The following CHD1 variants were observed in gnomAD, a reference collection of about 807,000 sequenced individuals.
CHD1 encodes chromodomain helicase DNA binding protein 1.
In CHD1, 36 loss-of-function variants were observed where a neutral mutation model predicts 224.2. The ratio of observed to expected loss-of-function variants is 0.16; its 90% CI spans 0.12 to 0.21. The LOEUF is 0.21. CHD1 is among the 10% of genes least tolerant of loss of function. CHD1 has a pLI of 1.00. For synonymous variants in CHD1, 668 were observed against 658.3 expected, an observed-to-expected ratio of 1.01 and a Z score of -0.23; for missense variants, 1,378 against 1,994.8, an observed-to-expected ratio of 0.69 and a Z score of 5.89.
intron 3 of CHD1, among the ~76,000 whole-genome samples, chr5:98,904,372 G>GT (rs1183655883): frequency 6.6e-6 from 1 of 152,162 alleles, no homozygotes; most frequent in Non-Finnish European, 1.5e-5. Context: ...TCACAGACTG[G>GT]TACTCTGAGT....
At chr5:98,871,047 T>C (rs35046353) in intron 28 of CHD1, among the ~76,000 whole-genome samples, 20 of 151,928 alleles carry the variant, frequency 1.3e-4, no homozygotes, top group African/African-American at 4.4e-4. Context: ...AAAATGAAAA[T>C]AGAAAGCATA....
chr5:98,859,074 G>A, intron 33 of CHD1, 59 bp from the exon 34 acceptor site: 1 of 1,326,368 alleles, frequency 7.5e-7, no homozygotes, highest in Non-Finnish European at 1.1e-6. Context: ...TTACAAAAAA[G>A]CACAGATAAT....
At chr5:98,869,652 AGAC>A (rs975489378) in intron 30 of CHD1, 99 bp downstream of exon 30, 50 of 1,277,554 alleles carry the variant, frequency 3.9e-5, no homozygotes, top group Non-Finnish European at 5.5e-5. Flanking sequence ...ACACACACAC[AGAC>A]TTCGGTACCT....
chr5:98,899,744 T>C, intron 7 of CHD1, 39 bp from the exon 8 acceptor site: 1 of 1,414,196 alleles, frequency 7.1e-7, no homozygotes, highest in Non-Finnish European at 9.9e-7. Context: ...TGTAATTAAT[T>C]CTGTTGTAGG....
At chr5:98,898,990 A>G (rs1751517480) in intron 8 of CHD1, among the ~76,000 whole-genome samples, 1 of 152,188 alleles carries the variant, frequency 6.6e-6, no homozygotes, top group African/African-American at 2.4e-5. Flanking sequence ...GTTACCAAGG[A>G]TAGGTTTAGA....
chr5:98,876,617 A>G (rs1463565010), intron 23 of CHD1, 59 bp from the exon 24 acceptor site: 1 of 1,383,970 alleles, frequency 7.2e-7, no homozygotes, highest in Admixed American at 1.9e-5. Flanking sequence ...TCTTAAGAGC[A>G]AAAACCATTA....
chr5:98,885,756 A>G (rs949505165), intron 17 of CHD1, 107 bp from the exon 18 acceptor site: 17 of 689,698 alleles, frequency 2.5e-5, no homozygotes, highest in Non-Finnish European at 4.3e-5. Flanking sequence ...TCCTTTGCTA[A>G]AACTATAATA....
rs763508835 is a variant in CHD1, at chr5:98,894,635, T to C, written c.1762A>G (p.Ile588Val). The change falls in exon 13 of 36, where the codon ATA (isoleucine) becomes GTA (valine). Residue 588 changes from isoleucine (I) to valine (V), a missense_variant. This residue lies in a region of CHD1 where 49 missense variants were observed against 135.7 expected (regional missense o/e 0.36). Transcript: ENST00000614616. ...HHQTKRLKFN[I>V]LLTTYEILLK... ...AAAATTTCATAAGTTGTTAACAATA[T>C]ATTAAATTTTAACCGTTTGGTCTGA... The C allele has an allele frequency of 2.7e-6, 4 of 1,455,398 alleles. No individual in the cohort carries two copies. The highest frequency in any genetic ancestry group is 3.8e-5 in the Admixed American group (2 of 53,150). 90.2% of individuals were successfully genotyped at this position (1,455,398 alleles called of 1,614,324 possible). A position where few individuals can be genotyped will look rare whatever the true frequency, so the allele number is the denominator to read the frequency against.
In CHD1 at chr5:98,879,607, T is replaced by C. The variant is rs143777686; in HGVS notation, c.3182A>G (p.Gln1061Arg). Reference protein sequence around the residue: ...QRRRLEEEERQKELEEIYMLP... With the variant: ...QRRRLEEEERRKELEEIYMLP... ...CATATAAATTTCTTCAAGTTCCTTT[T>C]GTCTTTCTTCTTCTTCTAATCGTCT... is the stretch of plus-strand genomic sequence containing the variant. The change falls in exon 23 of 36, where the codon CAA becomes CGA. Residue 1061 changes from glutamine to arginine, a missense_variant. Around this residue, in one of 16 missense-constraint regions of CHD1, gnomAD observed 286 missense variants for 445.1 expected, o/e 0.64. Transcript: ENST00000614616. 2.2e-5 allele frequency: 36 copies of C among 1,604,746 alleles called. No homozygotes were observed. Among genetic ancestry groups the C allele is most frequent in the Non-Finnish European group, 3.0e-5 (35 of 1,177,450 alleles).
intron 31 of CHD1, among the ~76,000 whole-genome samples, chr5:98,867,585 T>A: frequency 6.6e-6 from 1 of 152,148 alleles, no homozygotes; most frequent in East Asian, 1.9e-4. Flanking sequence ...TACATATTTA[T>A]TTTTTAATGG....
At position 98,928,899 on chromosome 5, in the gene CHD1, C is replaced by G. The variant is rs1435190586; in HGVS notation, c.-509G>C. 3 of 154,386 alleles carry G rather than the reference C, an allele frequency of 1.9e-5. No homozygotes were observed. Among genetic ancestry groups the G allele is most frequent in the Admixed American group, 6.6e-5 (1 of 15,244 alleles). The allele number at this position is 154,386 out of a possible 1,614,324, so 9.6% of individuals were successfully genotyped here. A position where few individuals can be genotyped will look rare whatever the true frequency, so the allele number is the denominator to read the frequency against. ...CCATGACGCCGAGAAAGCAAGCGAG[C>G]GCAACCGTCTCCGTCGTAGCCGCCG... On this transcript the variant is annotated 5_prime_UTR_variant, in exon 1 of 36. Coordinates refer to ENST00000614616, the MANE Select transcript of CHD1 (RefSeq NM_001270.4).
At chr5:98,897,675 C>A (rs377027096) in intron 10 of CHD1, among the ~76,000 whole-genome samples, 20 of 152,162 alleles carry the variant, frequency 1.3e-4, no homozygotes, top group African/African-American at 3.9e-4. Flanking sequence ...GCTTACCGTT[C>A]AATTTCTGAA....
rs114508389 is a variant in CHD1 at position 98,880,573 on chromosome 5, A to T, written c.3060+503T>A. On this transcript the variant is annotated intron_variant, in intron 22 of 35. Transcript: ENST00000614616. ...CAAATGGCACTTAACTTACTCCATGAGGTCAGTTGACTTACGTTGTTTTAG... is the reference window on the plus strand; with the variant it reads ...CAAATGGCACTTAACTTACTCCATGTGGTCAGTTGACTTACGTTGTTTTAG... 8.7e-4 allele frequency among the ~76,000 whole-genome samples: 132 copies of T among 152,326 alleles called. 2 individuals are homozygous for T. The highest frequency in any genetic ancestry group is 3.2e-3 in the African/African-American group (132 of 41,580).
chr5:98,928,185 C>T (rs1446606488), intron 1 of CHD1, among the ~76,000 whole-genome samples: 2 of 151,898 alleles, frequency 1.3e-5, no homozygotes, highest in African/African-American at 4.8e-5. Flanking sequence ...CGCCCCCTCC[C>T]CCTCCCGCCG....
At position 98,887,766 on chromosome 5, in the gene CHD1, G is replaced by C. The variant is rs74610257; in HGVS notation, c.2496+322C>G. On this transcript the variant is annotated intron_variant, in intron 17 of 35. Coordinates refer to ENST00000614616, the MANE Select transcript of CHD1 (RefSeq NM_001270.4). ...TCCTCATTCAGATTGAAGACTAAAG[G>C]CTCCCCTGCTTTTAGATCTATCCAA... Among the ~76,000 whole-genome samples, 26 of 152,114 alleles carry C rather than the reference G, an allele frequency of 1.7e-4. 1 individual carries two copies. In the East Asian group the frequency reaches 5.0e-3, roughly 29 times the overall value.
At chr5:98,871,238 A>G (rs1259390152) in intron 28 of CHD1, among the ~76,000 whole-genome samples, 3 of 151,840 alleles carry the variant, frequency 2.0e-5, no homozygotes, top group Non-Finnish European at 4.4e-5. Flanking sequence ...ACTGGGAGGA[A>G]AGTTTTACAG....
At chr5:98,899,746 T>G in intron 7 of CHD1, 41 bp from the exon 8 acceptor site, 1 of 1,389,174 alleles carries the variant, frequency 7.2e-7, no homozygotes, top group Admixed American at 1.9e-5. Flanking sequence ...TAATTAATTC[T>G]GTTGTAGGAT....
At chr5:98,887,406 T>C (rs113939541) in intron 17 of CHD1, among the ~76,000 whole-genome samples, 2 of 152,118 alleles carry the variant, frequency 1.3e-5, no homozygotes, top group African/African-American at 4.8e-5. Flanking sequence ...TTTACTGCTA[T>C]TTTACTATCT....
chr5:98,866,455 C>A (rs191061418), intron 31 of CHD1, among the ~76,000 whole-genome samples: 28 of 152,008 alleles, frequency 1.8e-4, no homozygotes, highest in South Asian at 4.2e-4. Context: ...TGTCTAGTCA[C>A]GGTGCAAAAG....
Sources: allele counts gnomAD v4.1 joint callset (sites outside exome capture counted in the v4.1 genomes callset), GRCh38; gene constraint gnomAD v4.1.1; regional missense constraint gnomAD v4.1.1; transcripts MANE v1.5; gene names NCBI Gene and HGNC (gene_info 2026-07-23, HGNC 2026-07-21).